Variants in SCCPDH observed in about 807,000 individuals in gnomAD.
The protein encoded by SCCPDH is saccharopine dehydrogenase-like oxidoreductase.
A neutral mutation model predicts 51.5 loss-of-function variants in SCCPDH; 34 were observed. That is an observed-to-expected ratio of 0.66 (90% CI 0.50 to 0.88). The LOEUF is 0.88. Ranked by LOEUF, SCCPDH falls within the 40% of genes least tolerant of loss-of-function variation. The pLI is 0.00. For synonymous variants in SCCPDH, 187 were observed against 191.3 expected (o/e 0.98, Z 0.19); for missense variants, 464 against 527.1 (o/e 0.88, Z 1.17).
intron 2 of SCCPDH, among the ~76,000 whole-genome samples, chr1:246,727,919 T>C (rs1018969719): frequency 6.6e-6 from 1 of 151,796 alleles, no homozygotes; most frequent in Non-Finnish European, 1.5e-5. Context: ...CCAAGAGGCG[T>C]TGAATGGTTG....
intron 4 of SCCPDH, 51 bp downstream of exon 4, chr1:246,740,352 G>C (rs3007322): frequency 0.37 from 541,034 of 1,456,590 alleles, 105,800 homozygotes; most frequent in Middle Eastern, 0.41. Context: ...CCGTGCAAAG[G>C]CTTCATGTTT....
chr1:246,749,754 C>G (rs73136386), intron 5 of SCCPDH, among the ~76,000 whole-genome samples: 2 of 152,202 alleles, frequency 1.3e-5, no homozygotes, highest in East Asian at 3.8e-4. Flanking sequence ...TCATACTGGA[C>G]TCTTTGTCAA....
chr1:246,736,607 G>A (rs1215986724), intron 3 of SCCPDH, among the ~76,000 whole-genome samples: 1 of 152,004 alleles, frequency 6.6e-6, no homozygotes, highest in Admixed American at 6.6e-5. Flanking sequence ...AGGCTGAGGT[G>A]GGAGAATGGG....
At chr1:246,724,833 CAT>C (rs1491315220) in intron 1 of SCCPDH, among the ~76,000 whole-genome samples, 3 of 152,204 alleles carry the variant, frequency 2.0e-5, no homozygotes, top group African/African-American at 4.8e-5. Flanking sequence ...TATACACACA[CAT>C]TTTTTTTTCT....
At chr1:246,734,349 A>G (rs906475186) in intron 2 of SCCPDH, among the ~76,000 whole-genome samples, 1 of 152,220 alleles carries the variant, frequency 6.6e-6, no homozygotes. Flanking sequence ...CTATTTAAAT[A>G]TGTTTAAAAT....
chr1:246,729,132 G>A (rs1023552047), intron 2 of SCCPDH, among the ~76,000 whole-genome samples: 16 of 152,086 alleles, frequency 1.1e-4, no homozygotes, highest in South Asian at 2.1e-4. Context: ...AAGGCAATAC[G>A]GTATCACAAT....
intron 5 of SCCPDH, among the ~76,000 whole-genome samples, chr1:246,751,816 C>G (rs1668854340): frequency 6.6e-6 from 1 of 151,200 alleles, no homozygotes; most frequent in Admixed American, 6.6e-5. Context: ...CTCTGTCGCC[C>G]AGGCTGGAGT....
chr1:246,735,893 T>C (rs1315974018), intron 2 of SCCPDH, 82 bp from the exon 3 acceptor site: 8 of 895,990 alleles, frequency 8.9e-6, no homozygotes, highest in African/African-American at 3.4e-5. Flanking sequence ...ACTAGGACTG[T>C]TTACTTCCAG....
intron 5 of SCCPDH, among the ~76,000 whole-genome samples, chr1:246,753,366 A>G (rs1309218960): frequency 6.6e-6 from 1 of 152,094 alleles, no homozygotes; most frequent in East Asian, 1.9e-4. Context: ...TCTTATTAAT[A>G]TCTGGCCAAC....
Position 246,740,271 on chromosome 1 carries a change from G to A in SCCPDH, c.484G>A (p.Gly162Arg). 6.2e-7 allele frequency: 1 copy of A among 1,604,224 alleles called. No individual in the cohort carries two copies. The highest frequency in any genetic ancestry group is 8.5e-7 in the Non-Finnish European group (1 of 1,173,420). Reference sequence around the variant, plus strand: ...CTTTGACTCCATTCCAGCAGATCTGGGAGTAATATATACCAGAAATAAAAT... The same window carrying A: ...CTTTGACTCCATTCCAGCAGATCTGAGAGTAATATATACCAGAAATAAAAT... ...SGFDSIPADL[G>R]VIYTRNKMNG... The change falls in exon 4 of 12, where the codon GGA (glycine) becomes AGA (arginine). Residue 162 changes from glycine to arginine, a missense_variant. Transcript: ENST00000366510.
rs893509145 is a variant in SCCPDH, at chr1:246,748,508, C to T, written c.564+4383C>T. Among the ~76,000 whole-genome samples the T allele has an allele frequency of 3.3e-5, 5 of 152,146 alleles. No homozygotes were observed. The East Asian group carries it at 9.6e-4, about 29-fold the overall frequency. The stretch of plus-strand genomic sequence containing the variant: ...ATATATCTAGGACCATTCTGTTTTC[C>T]CAAGCCATCTGGCTAGTGGGCCCCA... On this transcript the variant is annotated intron_variant, in intron 5 of 11. Coordinates refer to ENST00000366510, the MANE Select transcript of SCCPDH (RefSeq NM_016002.3).
intron 1 of SCCPDH, 100 bp from the exon 2 acceptor site, chr1:246,726,792 G>T (rs745353647): frequency 2.6e-6 from 2 of 771,242 alleles, no homozygotes; most frequent in Non-Finnish European, 4.4e-6. Flanking sequence ...GCATATCAGT[G>T]TATTTAGTAA....
intron 2 of SCCPDH, among the ~76,000 whole-genome samples, chr1:246,727,954 A>T (rs1331760513): frequency 6.6e-6 from 1 of 152,156 alleles, no homozygotes; most frequent in Non-Finnish European, 1.5e-5. Context: ...AGCTGATTTA[A>T]ATTGGAAGTT....
Position 246,749,115 on chromosome 1 carries a change from T to C in SCCPDH, c.564+4990T>C, listed in dbSNP as rs1334652012. Among the ~76,000 whole-genome samples, 6 of 152,164 alleles carry C rather than the reference T, an allele frequency of 3.9e-5. 1 individual carries two copies. Among genetic ancestry groups the C allele is most frequent in the Admixed American group, 3.9e-4 (6 of 15,286 alleles). On this transcript the variant is annotated intron_variant, in intron 5 of 11. Coordinates refer to ENST00000366510, the MANE Select transcript of SCCPDH (RefSeq NM_016002.3). ...CAGCAGTGAAAGAGTCTTGCATGAC[T>C]CATCGCCTCGGCTGTAGGGTTCTGG... is the stretch of plus-strand genomic sequence containing the variant.
intron 5 of SCCPDH, among the ~76,000 whole-genome samples, chr1:246,757,767 G>C (rs560926271): frequency 6.6e-6 from 1 of 152,286 alleles, no homozygotes; most frequent in South Asian, 2.1e-4. Context: ...ACAGGATGGA[G>C]AGATGGACAG....
intron 5 of SCCPDH, chr1:246,755,396 G>A (rs1482478834): frequency 1.3e-5 from 2 of 152,232 alleles, no homozygotes; most frequent in Admixed American, 6.5e-5. Flanking sequence ...TGGAGATCAA[G>A]ACCTGTTATT....
At chr1:246,731,704 G>A (rs1020369899) in intron 2 of SCCPDH, among the ~76,000 whole-genome samples, 6 of 151,360 alleles carry the variant, frequency 4.0e-5, no homozygotes, top group Non-Finnish European at 5.9e-5. Flanking sequence ...ACTATATACT[G>A]TAGGGATTTT....
intron 6 of SCCPDH, 149 bp from the exon 7 acceptor site, chr1:246,758,885 C>T (rs1398645863): frequency 2.0e-5 from 14 of 686,932 alleles, no homozygotes; most frequent in Non-Finnish European, 3.2e-5. Flanking sequence ...AAGTCCTGGC[C>T]TTAAGTGATC....
chr1:246,759,830 A>G, intron 7 of SCCPDH, 127 bp from the exon 8 acceptor site: 1 of 1,032,090 alleles, frequency 9.7e-7, no homozygotes, highest in Non-Finnish European at 1.4e-6. Context: ...AACATAATGC[A>G]TTTGTAAAGT....
Sources: allele counts gnomAD v4.1 joint callset (sites outside exome capture counted in the v4.1 genomes callset), GRCh38; gene constraint gnomAD v4.1.1; transcripts MANE v1.5; gene names NCBI Gene and HGNC (gene_info 2026-07-23, HGNC 2026-07-21).